INPP4B: variants seen among roughly 807,000 people sequenced by gnomAD.
The protein encoded by INPP4B is inositol polyphosphate-4-phosphatase type II B, also known as inositol polyphosphate 4-phosphatase type II.
A neutral mutation model predicts 122.5 loss-of-function variants in INPP4B; 55 were observed. The ratio of observed to expected loss-of-function variants is 0.45; its 90% CI spans 0.36 to 0.56. The LOEUF (loss-of-function observed/expected upper bound fraction) is 0.56, where lower values mean the gene tolerates loss of function less well. Ranked by LOEUF, INPP4B falls within the 20% of genes least tolerant of loss-of-function variation. The pLI, the probability that INPP4B is intolerant of heterozygous loss-of-function variation, is 0.00. For synonymous variants in INPP4B, 403 were observed against 388.7 expected, an observed-to-expected ratio of 1.04 and a Z score of -0.43; for missense variants, 1,000 against 1,097.7, an observed-to-expected ratio of 0.91 and a Z score of 1.26.
chr4:142,755,664 C>T (rs1359203052), intron 1 of INPP4B, among the ~76,000 whole-genome samples: 1 of 151,888 alleles, frequency 6.6e-6, no homozygotes, highest in South Asian at 2.1e-4. Flanking sequence ...TTAAAATGGG[C>T]TTTAATTAAT....
intron 25 of INPP4B, chr4:142,029,281 T>A (rs1037598359): frequency 1.6e-4 from 159 of 990,202 alleles, no homozygotes; most frequent in Non-Finnish European, 1.8e-4. Flanking sequence ...AAAATCTATA[T>A]GTAGCCCTAA....
At chr4:142,251,738 G>C (rs1217670545) in intron 11 of INPP4B, among the ~76,000 whole-genome samples, 1 of 152,162 alleles carries the variant, frequency 6.6e-6, no homozygotes, top group Non-Finnish European at 1.5e-5. Flanking sequence ...TTATCTGTGT[G>C]TATAAACAGA....
chr4:142,579,576 G>C (rs1734563217), intron 2 of INPP4B, among the ~76,000 whole-genome samples: 1 of 151,894 alleles, frequency 6.6e-6, no homozygotes, highest in South Asian at 2.1e-4. Flanking sequence ...CTAATCAGTT[G>C]AGGAAGTGAA....
chr4:142,425,725 T>G (rs1445617755), intron 5 of INPP4B, among the ~76,000 whole-genome samples: 1 of 152,030 alleles, frequency 6.6e-6, no homozygotes, highest in Non-Finnish European at 1.5e-5. Flanking sequence ...CCCCCAGATA[T>G]GTTCTATCCA....
chr4:142,177,388 A>C (rs1410673002), intron 15 of INPP4B, among the ~76,000 whole-genome samples: 7 of 152,210 alleles, frequency 4.6e-5, no homozygotes, highest in Non-Finnish European at 1.5e-5. Flanking sequence ...GGAAGTAATA[A>C]GTATAATTTA....
At chr4:142,631,855 A>G (rs1748034063) in intron 2 of INPP4B, among the ~76,000 whole-genome samples, 1 of 152,152 alleles carries the variant, frequency 6.6e-6, no homozygotes, top group African/African-American at 2.4e-5. Flanking sequence ...AAGGTGAACA[A>G]ATTGCAGACA....
chr4:142,305,692 A>G (rs1324593767), intron 8 of INPP4B, 155 bp from the exon 9 acceptor site: 4 of 1,457,514 alleles, frequency 2.7e-6, no homozygotes, highest in African/African-American at 1.4e-5. Context: ...TATCAATAAT[A>G]TATCTACCTC....
chr4:142,418,659 G>A (rs997812844), intron 5 of INPP4B, among the ~76,000 whole-genome samples: 1 of 152,112 alleles, frequency 6.6e-6, no homozygotes, highest in Admixed American at 6.6e-5. Context: ...CCAAACATCT[G>A]ACCTATTTGA....
chr4:142,081,629 A>T (rs2667117), intron 25 of INPP4B, among the ~76,000 whole-genome samples: 135,931 of 152,140 alleles, frequency 0.89, 62,135 homozygotes, highest in Non-Finnish European at 0.98. Context: ...GAGTTAGTTT[A>T]ATTTTGCAAG....
chr4:142,841,517 G>A (rs1392676335), intron 1 of INPP4B, among the ~76,000 whole-genome samples: 1 of 151,844 alleles, frequency 6.6e-6, no homozygotes, highest in Non-Finnish European at 1.5e-5. Flanking sequence ...TCTACTTAAT[G>A]CACTACAACT....
intron 3 of INPP4B, among the ~76,000 whole-genome samples, chr4:142,449,792 G>A (rs574469810): frequency 1.3e-5 from 2 of 152,176 alleles, no homozygotes; most frequent in African/African-American, 4.8e-5. Flanking sequence ...AAGACCGCTT[G>A]GATTCTAGGC....
intron 1 of INPP4B, among the ~76,000 whole-genome samples, chr4:142,831,235 A>T (rs2151183200): frequency 6.6e-6 from 1 of 152,288 alleles, no homozygotes; most frequent in African/African-American, 2.4e-5. Context: ...AGAAAATCTC[A>T]ATACTGCCAT....
At chr4:142,066,472 T>G (rs1404395826) in intron 25 of INPP4B, among the ~76,000 whole-genome samples, 1 of 152,208 alleles carries the variant, frequency 6.6e-6, no homozygotes, top group Non-Finnish European at 1.5e-5. Flanking sequence ...GAGTTTCTGG[T>G]CCAGTAGTTC....
At chr4:142,234,207 A>G (rs1561560023) in intron 12 of INPP4B, among the ~76,000 whole-genome samples, 1 of 152,214 alleles carries the variant, frequency 6.6e-6, no homozygotes, top group African/African-American at 2.4e-5. Context: ...TGTCCTGCAC[A>G]TCTAACATCT....
intron 2 of INPP4B, among the ~76,000 whole-genome samples, chr4:142,474,573 T>C (rs1381893681): frequency 6.6e-6 from 1 of 152,174 alleles, no homozygotes; most frequent in Non-Finnish European, 1.5e-5. Context: ...TCAGTCCTAC[T>C]TCTGTGTGAA....
chr4:142,541,228 G>A (rs868524252), intron 2 of INPP4B, among the ~76,000 whole-genome samples: 17 of 152,182 alleles, frequency 1.1e-4, no homozygotes, highest in African/African-American at 3.9e-4. Context: ...ACAGTAAGTA[G>A]GTGCCACAAT....
chr4:142,328,120 ATGGC>A (rs1773134254), intron 7 of INPP4B, among the ~76,000 whole-genome samples: 1 of 150,302 alleles, frequency 6.7e-6, no homozygotes, highest in Non-Finnish European at 1.5e-5. Flanking sequence ...GGCCCACTGC[ATGGC>A]TAACTCAGTG....
chr4:142,664,192 A>G (rs1288367782), intron 2 of INPP4B, among the ~76,000 whole-genome samples: 3 of 152,250 alleles, frequency 2.0e-5, no homozygotes, highest in African/African-American at 7.2e-5. Context: ...TCACCAACAT[A>G]CATGCCAGCC....
intron 1 of INPP4B, among the ~76,000 whole-genome samples, chr4:142,833,419 AC>A (rs759206843): frequency 6.7e-4 from 102 of 152,260 alleles, no homozygotes; most frequent in African/African-American, 1.8e-3. Flanking sequence ...TCTCATAAAT[AC>A]AGGTAAAGCT....
Sources: gnomAD v4.1 joint callset for allele counts (sites outside exome capture counted in the v4.1 genomes callset) on GRCh38, gnomAD v4.1.1 for gene constraint, MANE v1.5 for transcripts, NCBI Gene and HGNC (gene_info 2026-07-23, HGNC 2026-07-21) for gene names.